Variants in TPTE observed in about 807,000 individuals in gnomAD.
TPTE encodes putative tyrosine-protein phosphatase TPTE.
TPTE carries 59 observed loss-of-function variants against 84.1 expected under a neutral mutation model. The ratio of observed to expected loss-of-function variants is 0.70; its 90% CI spans 0.57 to 0.87. The LOEUF is 0.87. TPTE is among the 40% of genes least tolerant of loss of function. TPTE has a pLI of 0.00. For synonymous variants in TPTE, 130 were observed against 223.5 expected, an observed-to-expected ratio of 0.58 and a Z score of 3.73; for missense variants, 382 against 659.6, an observed-to-expected ratio of 0.58 and a Z score of 4.61.
intron 8 of TPTE, among the ~76,000 whole-genome samples, chr21:10,557,356 A>G (rs1444156338): frequency 6.6e-6 from 1 of 152,312 alleles, no homozygotes; most frequent in Non-Finnish European, 1.5e-5. Flanking sequence ...AAAAGTCTCA[A>G]TTGTGTATTT....
At chr21:10,577,902 G>T (rs1600941207) in intron 15 of TPTE, among the ~76,000 whole-genome samples, 1 of 152,308 alleles carries the variant, frequency 6.6e-6, no homozygotes, top group Admixed American at 6.5e-5. Context: ...TGAGAGCAAG[G>T]CTCTAGATGG....
At chr21:10,577,148 A>C (rs745397257) in intron 14 of TPTE, among the ~76,000 whole-genome samples, 324 of 151,980 alleles carry the variant, frequency 2.1e-3, no homozygotes, top group Non-Finnish European at 3.7e-3. Flanking sequence ...GATCCATATT[A>C]ACTGTGAATT....
rs757146106 is a variant in TPTE at position 10,605,556 on chromosome 21, T to A, written c.*4T>A. On this transcript the variant is annotated 3_prime_UTR_variant, in exon 24 of 24. Coordinates refer to ENST00000618007, the MANE Select transcript of TPTE (RefSeq NM_199261.4). The stretch of plus-strand genomic sequence containing the variant: ...TGTTGTAGCTGGATCCGATTAAGTA[T>A]AGCTCCCCCTTCCCCTTCTGGGAAA... 2 of 1,614,066 alleles carry A rather than the reference T, an allele frequency of 1.2e-6. No homozygotes were observed. Among genetic ancestry groups the A allele is most frequent in the Non-Finnish European group, 1.7e-6 (2 of 1,179,898 alleles).
intron 1 of TPTE, among the ~76,000 whole-genome samples, chr21:10,522,061 C>T (rs1316769933): frequency 1.3e-5 from 2 of 152,026 alleles, no homozygotes; most frequent in African/African-American, 4.8e-5. Flanking sequence ...GGGGCGCGCC[C>T]CCCGCCCGCG....
intron 7 of TPTE, among the ~76,000 whole-genome samples, chr21:10,551,832 C>T (rs2074581643): frequency 1.3e-5 from 2 of 152,304 alleles, no homozygotes; most frequent in Admixed American, 6.5e-5. Flanking sequence ...AATCCTTGAC[C>T]CATACGACCT....
At chr21:10,539,440 A>G (rs190212371) in intron 4 of TPTE, among the ~76,000 whole-genome samples, 8 of 152,424 alleles carry the variant, frequency 5.2e-5, no homozygotes, top group Admixed American at 5.2e-4. Context: ...GAAAGACTTG[A>G]CGGAGAGATC....
intron 8 of TPTE, among the ~76,000 whole-genome samples, chr21:10,558,874 G>A (rs905527120): frequency 1.3e-5 from 2 of 152,298 alleles, no homozygotes; most frequent in South Asian, 2.1e-4. Flanking sequence ...ATTATTGGAG[G>A]CTCCATCAAA....
At chr21:10,542,166 C>T (rs2074380822) in intron 5 of TPTE, among the ~76,000 whole-genome samples, 1 of 152,310 alleles carries the variant, frequency 6.6e-6, no homozygotes, top group South Asian at 2.1e-4. Flanking sequence ...AAGAGGTTTA[C>T]TTAAATCGGG....
intron 19 of TPTE, among the ~76,000 whole-genome samples, chr21:10,592,812 G>T (rs1428790187): frequency 6.6e-6 from 1 of 151,880 alleles, no homozygotes; most frequent in Non-Finnish European, 1.5e-5. Context: ...CCTGGTGTGT[G>T]TGTGTGTGTG....
intron 1 of TPTE, among the ~76,000 whole-genome samples, chr21:10,523,632 AT>A (rs1311116575): frequency 6.6e-6 from 1 of 152,290 alleles, no homozygotes. Flanking sequence ...TGAACTCATC[AT>A]TTTTTATGGC....
intron 7 of TPTE, among the ~76,000 whole-genome samples, chr21:10,546,007 G>A (rs1452199189): frequency 6.6e-6 from 1 of 152,404 alleles, no homozygotes; most frequent in African/African-American, 2.4e-5. Flanking sequence ...ATATATGTGT[G>A]TGTATATGCA....
chr21:10,562,008 C>T (rs1471333836), intron 10 of TPTE, among the ~76,000 whole-genome samples: 5 of 152,304 alleles, frequency 3.3e-5, no homozygotes, highest in Non-Finnish European at 7.3e-5. Context: ...TTATGTCACT[C>T]AACCCCAAGC....
chr21:10,605,094 C>T (rs571231464), intron 23 of TPTE, among the ~76,000 whole-genome samples: 2 of 152,312 alleles, frequency 1.3e-5, no homozygotes, highest in Non-Finnish European at 2.9e-5. Flanking sequence ...TATTTTATTA[C>T]TGGGCTTTCA....
chr21:10,542,624 C>A (rs558135442), intron 6 of TPTE, among the ~76,000 whole-genome samples, 176 bp downstream of exon 6: 1 of 152,422 alleles, frequency 6.6e-6, no homozygotes, highest in South Asian at 2.1e-4. Context: ...TCCATCCACA[C>A]GTCTCTTCAA....
chr21:10,565,930 T>G (rs1490694247), intron 10 of TPTE, among the ~76,000 whole-genome samples: 4 of 152,308 alleles, frequency 2.6e-5, no homozygotes, highest in African/African-American at 9.6e-5. Context: ...GGGAAGAATC[T>G]CCAGGACATT....
intron 17 of TPTE, among the ~76,000 whole-genome samples, chr21:10,578,861 C>A (rs2075217087): frequency 6.6e-6 from 1 of 152,308 alleles, no homozygotes; most frequent in African/African-American, 2.4e-5. Context: ...CCCTTGTTTT[C>A]CTAGTATTTG....
chr21:10,565,217 C>A (rs1350254535), intron 10 of TPTE, among the ~76,000 whole-genome samples: 1 of 152,306 alleles, frequency 6.6e-6, no homozygotes, highest in African/African-American at 2.4e-5. Flanking sequence ...CAACAGTGAA[C>A]CATTTGGAAA....
intron 7 of TPTE, among the ~76,000 whole-genome samples, chr21:10,545,784 T>C: frequency 6.6e-6 from 1 of 151,734 alleles, no homozygotes; most frequent in Non-Finnish European, 1.5e-5. Context: ...TATATACATG[T>C]CTACATATGT....
intron 8 of TPTE, among the ~76,000 whole-genome samples, chr21:10,556,479 T>C (rs558652263): frequency 6.6e-6 from 1 of 152,310 alleles, no homozygotes; most frequent in African/African-American, 2.4e-5. Flanking sequence ...TCTTTGCTAT[T>C]GTGAATAGTG....
Sources: allele counts gnomAD v4.1 joint callset (sites outside exome capture counted in the v4.1 genomes callset), GRCh38; gene constraint gnomAD v4.1.1; transcripts MANE v1.5; gene names NCBI Gene and HGNC (gene_info 2026-07-23, HGNC 2026-07-21).